The following CEP72 variants were observed in gnomAD, a reference collection of about 807,000 sequenced individuals.
The protein encoded by CEP72 is centrosomal protein 72.
Under a neutral mutation model 65.7 loss-of-function variants are expected in CEP72, and 78 were observed. That is an observed-to-expected ratio of 1.19 (90% CI 0.99 to 1.43). The LOEUF (loss-of-function observed/expected upper bound fraction) is 1.43. CEP72 is among the 40% of genes most tolerant of loss of function. CEP72 has a pLI of 0.00. For missense variants in CEP72, 914 were observed against 832.9 expected, an observed-to-expected ratio of 1.10 and a Z score of -1.20; for synonymous variants, 358 against 351.7, an observed-to-expected ratio of 1.02 and a Z score of -0.20.
In CEP72 at chr5:644,441, A is replaced by G; in HGVS notation, c.1666+16A>G. On this transcript the variant is annotated intron_variant, in intron 10 of 11. Transcript: ENST00000264935. ...CAGATCGCTGGTAAGTTGATCGTGT[A>G]TTTGGTCACTTTGTAAACTTTAGGT... 2 of 1,612,628 alleles carry G rather than the reference A, an allele frequency of 1.2e-6. No homozygotes were observed. Among genetic ancestry groups the G allele is most frequent in the Admixed American group, 1.7e-5 (1 of 59,908 alleles).
intron 7 of CEP72, among the ~76,000 whole-genome samples, chr5:638,033 C>A (rs1737741063): frequency 6.6e-6 from 1 of 152,198 alleles, no homozygotes; most frequent in Non-Finnish European, 1.5e-5. Flanking sequence ...CGTGATTACG[C>A]CTACGGCACT....
At chr5:674,412 T>C in the CEP72 span, among the ~76,000 whole-genome samples, 1 of 152,148 alleles carries the variant, frequency 6.6e-6, no homozygotes, top group Admixed American at 6.5e-5. Flanking sequence ...ACGCAGGCTC[T>C]GGACCTGGCG....
At position 623,051 on chromosome 5, in the gene CEP72, A is replaced by C. The variant is rs541868974; in HGVS notation, c.404-1420A>C. 4.9e-3 allele frequency among the ~76,000 whole-genome samples: 736 copies of C among 151,654 alleles called. 11 individuals are homozygous for C. The highest frequency in any genetic ancestry group is 3.3e-3 in the Non-Finnish European group (225 of 67,982). On this transcript the variant is annotated intron_variant, in intron 3 of 11. Coordinates refer to ENST00000264935, the MANE Select transcript of CEP72 (RefSeq NM_018140.4). The surrounding 1 kb of genome is among the most constrained non-coding windows in gnomAD (Gnocchi z 5.3). ...CCTCTTAGTGTTTCTGTAGAGAAGG[A>C]GCGCGGCCGTCTCCCTCTTAGTGTT...
the CEP72 span, among the ~76,000 whole-genome samples, chr5:672,554 G>A: frequency 1.3e-5 from 2 of 152,264 alleles, no homozygotes; most frequent in Non-Finnish European, 2.9e-5. Context: ...TAGGGGGCCA[G>A]TGAGCAAGGC....
At chr5:673,319 G>A in the CEP72 span, among the ~76,000 whole-genome samples, 1 of 152,264 alleles carries the variant, frequency 6.6e-6, no homozygotes, top group East Asian at 1.9e-4. Flanking sequence ...GGGAGGTCAG[G>A]ACCCCGTGCC....
At chr5:627,026 G>A (rs1045470240) in intron 4 of CEP72, among the ~76,000 whole-genome samples, 6 of 152,310 alleles carry the variant, frequency 3.9e-5, no homozygotes, top group South Asian at 2.1e-4. Flanking sequence ...CATGCTGACC[G>A]CATAGAATGA....
downstream of CEP72, among the ~76,000 whole-genome samples, chr5:669,163 A>C (rs1465293179): frequency 6.6e-6 from 1 of 152,114 alleles, no homozygotes; most frequent in Non-Finnish European, 1.5e-5. Flanking sequence ...GGCTTTGGGG[A>C]GACAGAGCCC....
rs772479986 is a variant in CEP72 at position 637,618 on chromosome 5, A to C, written c.1006A>C (p.Arg336=). The C allele has an allele frequency of 2.4e-5, 38 of 1,613,978 alleles. No individual in the cohort carries two copies. The highest frequency in any genetic ancestry group is 2.6e-5 in the Non-Finnish European group (31 of 1,180,052). Residue 336 remains arginine, a synonymous_variant, in exon 7 of 12, where the codon AGA becomes CGA. Coordinates refer to ENST00000264935, the MANE Select transcript of CEP72 (RefSeq NM_018140.4). ...AGCCCCCGGAAAGTGCAGGAAGCGA[A>C]GAATGCCTGTTGGAAGATTCCAGAC... ...LPAPGKCRKR[R]MPVGRFQTFS... is the part of the protein sequence containing the mutation.
Position 633,890 on chromosome 5 carries a change from C to A in CEP72, c.634C>A (p.Pro212Thr), listed in dbSNP as rs1262423831. The change falls in exon 5 of 12, where the codon CCC becomes ACC. Residue 212 changes from proline (P) to threonine (T), a missense_variant. Pro to Thr is a conservative substitution (Grantham distance 38). Coordinates refer to ENST00000264935, the MANE Select transcript of CEP72 (RefSeq NM_018140.4). ...GTGCGAGTGGGACCTCGGCAGGCCT[C>A]CCGGGAGCACGAGCTTCAGCCAGAA... is the stretch of plus-strand genomic sequence containing the variant. The part of the protein sequence containing the change: ...AECEWDLGRP[P>T]GSTSFSQKGR... The A allele has an allele frequency of 1.9e-6, 3 of 1,613,282 alleles. No individual in the cohort carries two copies. The highest frequency in any genetic ancestry group is 1.7e-5 in the Admixed American group (1 of 60,008).
chr5:642,432 T>C, intron 9 of CEP72: 2 of 985,472 alleles, frequency 2.0e-6, no homozygotes, highest in Non-Finnish European at 2.4e-6. Context: ...TGACCGGCTG[T>C]CTGGAAAGTG....
chr5:639,207 G>T lies in CEP72; in HGVS notation c.1325G>T (p.Ser442Ile). The change falls in exon 8 of 12, where the codon AGC (serine) becomes ATC (isoleucine). Residue 442 changes from serine to isoleucine, a missense_variant. Ser to Ile is a moderately radical substitution (Grantham distance 142). Coordinates refer to ENST00000264935, the MANE Select transcript of CEP72 (RefSeq NM_018140.4). The stretch of plus-strand genomic sequence containing the variant: ...TGGGGCGGCTGCAGGTCCCTGCACA[G>T]CAACGAGGCATTCCTTGGTGAGTCA... ...RSWGGCRSLH[S>I]NEAFLAQARH... The T allele has an allele frequency of 6.3e-7, 1 of 1,583,942 alleles. No individual in the cohort carries two copies. The highest frequency in any genetic ancestry group is 1.1e-5 in the South Asian group (1 of 88,758).
At chr5:659,450 A>G (rs1739491515), downstream of CEP72, among the ~76,000 whole-genome samples, 1 of 152,244 alleles carries the variant, frequency 6.6e-6, no homozygotes, top group African/African-American at 2.4e-5. Context: ...TCATTGTCCA[A>G]AAATGCCTTT....
At chr5:673,354 G>T in the CEP72 span, among the ~76,000 whole-genome samples, 1 of 152,254 alleles carries the variant, frequency 6.6e-6, no homozygotes, top group African/African-American at 2.4e-5. Context: ...CCCCCGAGGG[G>T]AGTCCAAGCT....
intron 4 of CEP72, among the ~76,000 whole-genome samples, chr5:633,383 A>G (rs1737346083): frequency 9.0e-6 from 1 of 110,656 alleles, no homozygotes; most frequent in South Asian, 2.9e-4. Flanking sequence ...GGTTCTGTCC[A>G]GTGCTGGATT....
At chr5:651,117 CTG>C (rs1418041182) in intron 11 of CEP72, among the ~76,000 whole-genome samples, 1 of 50,346 alleles carries the variant, frequency 2.0e-5, no homozygotes, top group Admixed American at 2.3e-4. Context: ...TGAGGTGTGA[CTG>C]TGAGGCGTGG....
At position 637,570 on chromosome 5, in the gene CEP72, G is replaced by A. The variant is rs1419603250; in HGVS notation, c.958G>A (p.Glu320Lys). The A allele has an allele frequency of 1.9e-6, 3 of 1,614,100 alleles. No homozygotes were observed. Among genetic ancestry groups the A allele is most frequent in the South Asian group, 1.1e-5 (1 of 91,086 alleles). Residue 320 changes from glutamate to lysine, a missense_variant, in exon 7 of 12, where the codon GAA becomes AAA. Glu to Lys is a moderately conservative substitution (Grantham distance 56). Transcript: ENST00000264935. ...ASSQKLDLSG[E>K]MVPGPLPAPG... ...TTCTCAGAAGTTGGATTTGTCAGGA[G>A]AAATGGTGCCTGGTCCCCTGCCAGC...
At chr5:618,001 T>G (rs1288196637) in intron 1 of CEP72, among the ~76,000 whole-genome samples, 1 of 152,186 alleles carries the variant, frequency 6.6e-6, no homozygotes, top group Non-Finnish European at 1.5e-5. Flanking sequence ...AGTGACTGCT[T>G]ATGGGGTGCG....
intron 11 of CEP72, among the ~76,000 whole-genome samples, chr5:651,225 GTGAGGTGTGAC>G (rs201924957): frequency 3.1e-5 from 3 of 95,412 alleles, no homozygotes; most frequent in African/African-American, 1.3e-4. Context: ...GGCGTGGACT[GTGAGGTGTGAC>G]TGAGGCGTGG....
At chr5:643,385 C>T (rs1208190190) in intron 9 of CEP72, 1 of 985,452 alleles carries the variant, frequency 1.0e-6, no homozygotes. Flanking sequence ...GGGGAGAAGT[C>T]CGCGAAATGA....
Sources: allele counts gnomAD v4.1 joint callset (sites outside exome capture counted in the v4.1 genomes callset), GRCh38; gene constraint gnomAD v4.1.1; non-coding constraint Gnocchi (gnomAD v3.1); transcripts MANE v1.5; gene names NCBI Gene and HGNC (gene_info 2026-07-23, HGNC 2026-07-21).